KLHL2: variants seen among roughly 807,000 people sequenced by gnomAD.
KLHL2 encodes the protein kelch like family member 2.
A neutral mutation model predicts 75.8 loss-of-function variants in KLHL2; 15 were observed. The observed-to-expected ratio is 0.20, with a 90% confidence interval of 0.13 to 0.30. KLHL2 has a LOEUF of 0.30. KLHL2 is among the 10% of genes least tolerant of loss of function. The pLI is 1.00. For missense variants in KLHL2, 381 were observed against 741.0 expected, an observed-to-expected ratio of 0.51 and a Z score of 5.64; for synonymous variants, 214 against 251.9, an observed-to-expected ratio of 0.85 and a Z score of 1.42.
chr4:165,312,249 C>T (rs547799637), intron 11 of KLHL2, among the ~76,000 whole-genome samples: 2 of 152,184 alleles, frequency 1.3e-5, no homozygotes, highest in South Asian at 4.2e-4. Context: ...GGGACTGCTG[C>T]TGTATAAGAC....
At chr4:165,264,729 T>TATATAC (rs1446163394) in intron 5 of KLHL2, among the ~76,000 whole-genome samples, 94 of 76,866 alleles carry the variant, frequency 1.2e-3, no homozygotes, top group Non-Finnish European at 2.1e-3. Context: ...TACATATATA[T>TATATAC]ATATATATAT....
Position 165,322,259 on chromosome 4 carries a change from G to A in KLHL2, c.*199G>A, listed in dbSNP as rs1747042075. ...GCACCGTGTAGGCTTTTTCTGCAAT[G>A]AGCAGCAGCTGACTGAATTTTCATA... On this transcript the variant is annotated 3_prime_UTR_variant, in exon 15 of 15. Transcript: ENST00000226725. The A allele has an allele frequency of 3.6e-6, 2 of 557,700 alleles. No homozygotes were observed. The highest frequency in any genetic ancestry group is 1.9e-5 in the African/African-American group (1 of 52,682). 34.5% of individuals were successfully genotyped at this position (557,700 alleles called of 1,614,324 possible). A position where few individuals can be genotyped will look rare whatever the true frequency, so the allele number is the denominator to read the frequency against.
intron 4 of KLHL2, among the ~76,000 whole-genome samples, chr4:165,244,864 G>C (rs1740122783): frequency 6.6e-6 from 1 of 152,112 alleles, no homozygotes; most frequent in Non-Finnish European, 1.5e-5. Flanking sequence ...TTTTCTGTTT[G>C]TGTTTGTGTG....
Position 165,263,186 on chromosome 4 carries a change from G to A in KLHL2, c.382-11G>A, listed in dbSNP as rs776920342. On this transcript the variant is annotated splice_polypyrimidine_tract_variant and intron_variant, in intron 4 of 14. Transcript: ENST00000226725. ...CCCAAGTGCCTAAGAATATTGATGT[G>A]TGTGTTGCAGGTACTTCTCCCAGCA... 1.2e-6 allele frequency: 2 copies of A among 1,612,538 alleles called. No individual in the cohort carries two copies. Among genetic ancestry groups the A allele is most frequent in the African/African-American group, 2.7e-5 (2 of 74,868 alleles).
At chr4:165,247,876 C>T (rs1028201560) in intron 4 of KLHL2, among the ~76,000 whole-genome samples, 11 of 152,204 alleles carry the variant, frequency 7.2e-5, no homozygotes, top group African/African-American at 1.2e-4. Flanking sequence ...ATTTGAGATT[C>T]GCAGTCATAA....
At position 165,322,197 on chromosome 4, in the gene KLHL2, T is replaced by A. The variant is rs1747037127; in HGVS notation, c.*137T>A. The A allele has an allele frequency of 3.7e-6, 3 of 813,242 alleles. No individual in the cohort carries two copies. In the Admixed American group the frequency reaches 6.1e-5, roughly 17 times the overall value. The allele number at this position is 813,242 out of a possible 1,614,324, so 50.4% of individuals were successfully genotyped here. The stretch of plus-strand genomic sequence containing the variant: ...AGCAGAAGATACGATCGTCTGCCTT[T>A]ATAGGCCTCAGATACTGAAGATTAT... On this transcript the variant is annotated 3_prime_UTR_variant, in exon 15 of 15. Transcript: ENST00000226725.
chr4:165,216,411 TGAG>T (rs1737547656), intron 1 of KLHL2, among the ~76,000 whole-genome samples: 1 of 152,186 alleles, frequency 6.6e-6, no homozygotes, highest in Non-Finnish European at 1.5e-5. Flanking sequence ...CCAGACTACT[TGAG>T]GAGTCTAAGA....
At chr4:165,270,531 C>T (rs1742603154) in intron 5 of KLHL2, among the ~76,000 whole-genome samples, 2 of 152,138 alleles carry the variant, frequency 1.3e-5, no homozygotes, top group Non-Finnish European at 2.9e-5. Flanking sequence ...TTTGTTGATG[C>T]TGATGCCATT....
At chr4:165,292,226 T>G (rs919912198) in intron 5 of KLHL2, among the ~76,000 whole-genome samples, 2 of 152,220 alleles carry the variant, frequency 1.3e-5, no homozygotes, top group African/African-American at 4.8e-5. Flanking sequence ...CTTTGTCAAG[T>G]CTGAGTTTTA....
chr4:165,289,511 T>TTTTC (rs1465483721), intron 5 of KLHL2, among the ~76,000 whole-genome samples: 11 of 138,840 alleles, frequency 7.9e-5, no homozygotes, highest in African/African-American at 2.9e-4. Flanking sequence ...TTGGTTTGGT[T>TTTTC]TTTTTTTTTT....
intron 5 of KLHL2, among the ~76,000 whole-genome samples, chr4:165,267,678 G>C (rs1295426506): frequency 6.6e-6 from 1 of 152,072 alleles, no homozygotes; most frequent in African/African-American, 2.4e-5. Context: ...GATCATGGTG[G>C]ATAAGCTTTT....
At chr4:165,221,507 C>T (rs906398893) in intron 2 of KLHL2, among the ~76,000 whole-genome samples, 13 of 152,078 alleles carry the variant, frequency 8.5e-5, no homozygotes, top group South Asian at 2.1e-4. Context: ...CTGCAGTGCA[C>T]GTGGCGGTGG....
chr4:165,213,727 G>A (rs375453526), intron 1 of KLHL2, among the ~76,000 whole-genome samples: 4 of 152,174 alleles, frequency 2.6e-5, no homozygotes, highest in Admixed American at 6.5e-5. Flanking sequence ...GCATGCAGTG[G>A]GCATCTAGGC....
intron 5 of KLHL2, among the ~76,000 whole-genome samples, chr4:165,290,486 T>G (rs1186985486): frequency 6.6e-6 from 1 of 152,176 alleles, no homozygotes; most frequent in African/African-American, 2.4e-5. Flanking sequence ...GTTTGTTTGT[T>G]TAAATATGTT....
At chr4:165,234,276 G>A (rs1461863343) in intron 3 of KLHL2, among the ~76,000 whole-genome samples, 1 of 152,186 alleles carries the variant, frequency 6.6e-6, no homozygotes, top group Non-Finnish European at 1.5e-5. Context: ...GAACAAAAAG[G>A]TGGTAGTAAT....
At chr4:165,244,057 C>CT (rs35091242) in intron 4 of KLHL2, among the ~76,000 whole-genome samples, 41,024 of 151,122 alleles carry the variant, frequency 0.27, 5,705 homozygotes, top group Non-Finnish European at 0.3. Context: ...AATTTCCAGG[C>CT]TTTTTTTTTA....
chr4:165,304,352 C>T (rs1463045214), intron 8 of KLHL2, among the ~76,000 whole-genome samples: 4 of 152,198 alleles, frequency 2.6e-5, no homozygotes, highest in Non-Finnish European at 4.4e-5. Context: ...TTGTACCCAT[C>T]TTTCTTTAAT....
intron 1 of KLHL2, among the ~76,000 whole-genome samples, chr4:165,216,074 G>A (rs1386748116): frequency 6.6e-6 from 1 of 152,136 alleles, no homozygotes; most frequent in Non-Finnish European, 1.5e-5. Flanking sequence ...CATTTCTGTG[G>A]TGTTCTCAGA....
chr4:165,212,975 C>G (rs957744962), intron 1 of KLHL2, among the ~76,000 whole-genome samples: 10 of 152,196 alleles, frequency 6.6e-5, no homozygotes, highest in Non-Finnish European at 1.3e-4. Flanking sequence ...TAGCTCATGC[C>G]TCTAAACCCA....
Sources: gnomAD v4.1 joint callset for allele counts (sites outside exome capture counted in the v4.1 genomes callset) on GRCh38, gnomAD v4.1.1 for gene constraint, MANE v1.5 for transcripts, NCBI Gene and HGNC (gene_info 2026-07-23, HGNC 2026-07-21) for gene names.